The following ATP23 variants were observed in gnomAD, a reference collection of about 807,000 sequenced individuals.
The protein encoded by ATP23 is mitochondrial inner membrane protease ATP23 homolog.
In ATP23, 24 loss-of-function variants were observed where a neutral mutation model predicts 28.5. The ratio of observed to expected loss-of-function variants is 0.84; its 90% CI spans 0.61 to 1.18. ATP23 has a LOEUF of 1.18. Ranked by LOEUF, ATP23 falls within the 50% of genes most tolerant of loss-of-function variation. The pLI, the probability that ATP23 is intolerant of heterozygous loss-of-function variation, is 0.00. For synonymous variants in ATP23, 99 were observed against 108.6 expected (o/e 0.91, Z 0.55); for missense variants, 274 against 306.4 (o/e 0.89, Z 0.79).
At chr12:57,955,783 T>C (rs1167767547) in intron 5 of ATP23, among the ~76,000 whole-genome samples, 1 of 152,224 alleles carries the variant, frequency 6.6e-6, no homozygotes, top group Non-Finnish European at 1.5e-5. Flanking sequence ...AAAATTCAGG[T>C]TGAGAAACAC....
In ATP23 at chr12:57,957,044, CTA is replaced by C. The variant is rs1300154409; in HGVS notation, c.*156_*157del. The stretch of plus-strand genomic sequence containing the variant: ...TCTAGCATATTATCAGAAAAAGTAA[CTA>C]TGGCAAAAAATGAAACTGCTTTAAA... On this transcript the variant is annotated 3_prime_UTR_variant, in exon 6 of 6. Transcript: ENST00000300145. 3.9e-5 allele frequency: 22 copies of C among 565,722 alleles called. No individual in the cohort carries two copies. The East Asian group carries it at 7.5e-4, about 19-fold the overall frequency. The allele number at this position is 565,722 out of a possible 1,614,324, so 35.0% of individuals were successfully genotyped here.
chr12:57,958,225 C>G lies in ATP23; in HGVS notation c.*1335C>G, dbSNP rs1956886451. On this transcript the variant is annotated 3_prime_UTR_variant, in exon 6 of 6. Coordinates refer to ENST00000300145, the MANE Select transcript of ATP23 (RefSeq NM_033276.4). ...CCCTCATCTCCCACAACAGTCACAG[C>G]AAGACCTGCCCAAGGAGAGTCTGAG... 6.6e-6 allele frequency among the ~76,000 whole-genome samples: 1 copy of G among 152,170 alleles called. No homozygotes were observed. Among genetic ancestry groups the G allele is most frequent in the Non-Finnish European group, 1.5e-5 (1 of 68,040 alleles).
At chr12:57,956,635 G>T in intron 5 of ATP23, 52 bp from the exon 6 acceptor site, 2 of 1,276,414 alleles carry the variant, frequency 1.6e-6, no homozygotes, top group Non-Finnish European at 2.2e-6. Context: ...GTATTATTTC[G>T]TGATTAAATG....
At chr12:57,944,296 A>ATT (rs1400354518) in intron 1 of ATP23, among the ~76,000 whole-genome samples, 1 of 151,874 alleles carries the variant, frequency 6.6e-6, no homozygotes, top group African/African-American at 2.4e-5. Context: ...TTTCTCACCT[A>ATT]TTTTTGCCTT....
chr12:57,951,815 C>T lies in ATP23; in HGVS notation c.373C>T (p.His125Tyr). ...GGCCCATATGAACAGAGTGGTCACA[C>T]ACGAGCTTATTCATGCATTTGATCA... ...NQAHMNRVVT[H>Y]ELIHAFDHCR... The change falls in exon 4 of 6, where the codon CAC (histidine) becomes TAC (tyrosine). Residue 125 changes from histidine (H) to tyrosine (Y), a missense_variant. Physicochemically the swap from His to Tyr is moderately conservative, Grantham distance 83. Transcript: ENST00000300145. 6.2e-7 allele frequency: 1 copy of T among 1,614,148 alleles called. No homozygotes were observed. The highest frequency in any genetic ancestry group is 8.5e-7 in the Non-Finnish European group (1 of 1,180,020).
At chr12:57,952,036 C>A (rs1956821165) in intron 4 of ATP23, 141 bp downstream of exon 4, 1 of 1,026,440 alleles carries the variant, frequency 9.7e-7, no homozygotes, top group Non-Finnish European at 1.4e-6. Context: ...ACATTGAATA[C>A]CATTTTTGAT....
At chr12:57,955,865 G>A (rs34567504) in intron 5 of ATP23, among the ~76,000 whole-genome samples, 21,237 of 152,126 alleles carry the variant, frequency 0.14, 2,698 homozygotes, top group African/African-American at 0.34. Context: ...GGGAACATGT[G>A]GAGAAAACGG....
chr12:57,951,284 A>G (rs1216634455), intron 3 of ATP23, among the ~76,000 whole-genome samples: 2 of 152,218 alleles, frequency 1.3e-5, no homozygotes, highest in African/African-American at 4.8e-5. Context: ...TCACAGTTCT[A>G]TGAGGTAGCT....
chr12:57,943,926 A>C (rs2140526657), intron 1 of ATP23, among the ~76,000 whole-genome samples: 1 of 151,466 alleles, frequency 6.6e-6, no homozygotes, highest in East Asian at 1.9e-4. Context: ...CTGCAGCTTT[A>C]AAATGCTATC....
chr12:57,947,052 A>G lies in ATP23; in HGVS notation c.291A>G (p.Gly97=). 1.2e-6 allele frequency: 2 copies of G among 1,614,058 alleles called. No homozygotes were observed. The highest frequency in any genetic ancestry group is 2.2e-5 in the East Asian group (1 of 44,874). The part of the protein sequence containing the change: ...SCEDCNGNVS[G]GFDASTSQIV... ...AAGACTGTAATGGAAATGTCAGTGG[A>G]GGTTTTGATGCTTCAACATCTCAGG... Residue 97 remains glycine, a synonymous_variant, in exon 3 of 6, where the codon GGA becomes GGG. Coordinates refer to ENST00000300145, the MANE Select transcript of ATP23 (RefSeq NM_033276.4).
intron 5 of ATP23, among the ~76,000 whole-genome samples, chr12:57,955,301 CCTT>C (rs1450690917): frequency 8.4e-6 from 1 of 119,350 alleles, no homozygotes; most frequent in Non-Finnish European, 1.6e-5. Flanking sequence ...TTTTAATTCA[CCTT>C]CTATCTTTGT....
intron 2 of ATP23, among the ~76,000 whole-genome samples, chr12:57,945,910 G>A (rs1413434418): frequency 6.6e-6 from 1 of 150,462 alleles, no homozygotes; most frequent in South Asian, 2.1e-4. Context: ...TTGTTGTCCA[G>A]GTGGGAGTGC....
At chr12:57,952,707 T>G (rs1005360947) in intron 4 of ATP23, among the ~76,000 whole-genome samples, 3 of 152,218 alleles carry the variant, frequency 2.0e-5, no homozygotes, top group African/African-American at 7.2e-5. Context: ...ATTTGGAGAA[T>G]AGACTGAAAC....
At chr12:57,951,653 C>A in intron 3 of ATP23, 105 bp from the exon 4 acceptor site, 2 of 1,241,028 alleles carry the variant, frequency 1.6e-6, no homozygotes, top group Non-Finnish European at 2.3e-6. Flanking sequence ...ATATTCCAGG[C>A]AGGTGAGCTT....
In ATP23 at chr12:57,957,009, A is replaced by G; in HGVS notation, c.*119A>G. 1.3e-6 allele frequency: 1 copy of G among 783,680 alleles called. No homozygotes were observed. The highest frequency in any genetic ancestry group is 1.8e-6 in the Non-Finnish European group (1 of 546,862). The allele number at this position is 783,680 out of a possible 1,614,324, so 48.5% of individuals were successfully genotyped here. A position where few individuals can be genotyped will look rare whatever the true frequency, so the allele number is the denominator to read the frequency against. On this transcript the variant is annotated 3_prime_UTR_variant, in exon 6 of 6. Transcript: ENST00000300145. ...CCCTACAATCCAGATAAAACAGAGA[A>G]GACTGTGATTCTAGCATATTATCAG...
chr12:57,951,742 T>A lies in ATP23; in HGVS notation c.316-16T>A. ...TTTTAGAATCACTGAACTTCTTTTA[T>A]TTTGGTGTCTCCTAGATAGTTTTGT... On this transcript the variant is annotated splice_polypyrimidine_tract_variant and intron_variant, in intron 3 of 5. Transcript: ENST00000300145. The A allele has an allele frequency of 6.2e-7, 1 of 1,610,052 alleles. No individual in the cohort carries two copies. The highest frequency in any genetic ancestry group is 8.5e-7 in the Non-Finnish European group (1 of 1,176,792).
At chr12:57,948,982 T>A (rs557031212) in intron 3 of ATP23, among the ~76,000 whole-genome samples, 2 of 152,326 alleles carry the variant, frequency 1.3e-5, no homozygotes, top group South Asian at 4.1e-4. Context: ...AGATTCTTTC[T>A]TGTTGTTGTG....
intron 1 of ATP23, among the ~76,000 whole-genome samples, chr12:57,944,434 T>A (rs1956740125): frequency 6.6e-6 from 1 of 152,228 alleles, no homozygotes; most frequent in South Asian, 2.1e-4. Flanking sequence ...TTTGGGCTCC[T>A]TGTACTTTCC....
chr12:57,947,121 C>G (rs1280254549), intron 3 of ATP23, 45 bp downstream of exon 3: 3 of 1,574,070 alleles, frequency 1.9e-6, no homozygotes, highest in Non-Finnish European at 2.6e-6. Flanking sequence ...AATCCTCTCT[C>G]TTTATATTTT....
Sources: allele counts gnomAD v4.1 joint callset (sites outside exome capture counted in the v4.1 genomes callset), GRCh38; gene constraint gnomAD v4.1.1; transcripts MANE v1.5; gene names NCBI Gene and HGNC (gene_info 2026-07-23, HGNC 2026-07-21).